Variants in PANK2 observed in about 807,000 individuals in gnomAD.
The protein encoded by PANK2 is pantothenate kinase 2, also known as pantothenate kinase 2, mitochondrial.
In PANK2, 36 loss-of-function variants were observed where a neutral mutation model predicts 43.1. The observed-to-expected ratio is 0.84, with a 90% CI of 0.64 to 1.10. PANK2 has a LOEUF of 1.10. Among genes scored for constraint, PANK2 ranks in the 50% least tolerant of loss-of-function variants. The probability of loss-of-function intolerance (pLI) is 0.00; values close to 1 mark genes in which losing one functional copy is unlikely to be tolerated. For synonymous variants in PANK2, 281 were observed against 238.2 expected (o/e 1.18, Z -1.66); for missense variants, 576 against 593.3 (o/e 0.97, Z 0.30).
At position 3,889,633 on chromosome 20, in the gene PANK2, C is replaced by T. The variant is rs137852969; in HGVS notation, c.203C>T (p.Ser68Leu). The change falls in exon 1 of 7, where the codon TCG becomes TTG. Residue 68 changes from serine (S) to leucine (L), a missense_variant. By Grantham distance (145) the Ser-to-Leu change is moderately radical (BLOSUM62 -2). Around this residue, in one of 2 missense-constraint regions of PANK2, gnomAD observed 544 missense variants for 528.9 expected, o/e 1.03. Coordinates refer to ENST00000610179, the MANE Select transcript of PANK2 (RefSeq NM_001386393.1). Reference sequence around the variant, plus strand: ...GCGTCGGTGCCCGCGGTCGGGGCCTCGGCTGAGGGCACGAGGCGGGATCGA... The same window carrying T: ...GCGTCGGTGCCCGCGGTCGGGGCCTTGGCTGAGGGCACGAGGCGGGATCGA... The T allele has an allele frequency of 1.3e-5, 20 of 1,568,632 alleles. No homozygotes were observed. Among genetic ancestry groups the T allele is most frequent in the South Asian group, 2.3e-5 (2 of 87,716 alleles).
intron 1 of PANK2, among the ~76,000 whole-genome samples, chr20:3,905,317 G>T (rs964079789): frequency 6.6e-6 from 1 of 150,638 alleles, no homozygotes; most frequent in African/African-American, 2.4e-5. Context: ...CATGGTTATT[G>T]CCTCTGTAAA....
chr20:3,918,831 C>T (rs368659910), intron 6 of PANK2, 35 bp downstream of exon 6: 2 of 1,613,958 alleles, frequency 1.2e-6, no homozygotes, highest in African/African-American at 1.3e-5. Flanking sequence ...ATATTATGTA[C>T]ACAGAGGGCT....
At chr20:3,901,631 T>C (rs2090303633) in intron 1 of PANK2, 7 of 973,880 alleles carry the variant, frequency 7.2e-6, no homozygotes, top group African/African-American at 5.3e-5. Context: ...AGTATTTTAG[T>C]TTCAGATTGC....
chr20:3,893,724 T>A (rs575628166), intron 1 of PANK2, among the ~76,000 whole-genome samples: 1 of 152,234 alleles, frequency 6.6e-6, no homozygotes, highest in East Asian at 1.9e-4. Flanking sequence ...ATGGATCATT[T>A]TTTCTTGGCT....
chr20:3,895,638 C>A (rs1053022679), intron 1 of PANK2, among the ~76,000 whole-genome samples: 2 of 151,880 alleles, frequency 1.3e-5, no homozygotes, highest in African/African-American at 4.8e-5. Context: ...AAGTTTGTAG[C>A]CTTGTGAGCT....
At chr20:3,893,254 A>G (rs1394526914) in intron 1 of PANK2, among the ~76,000 whole-genome samples, 1 of 152,144 alleles carries the variant, frequency 6.6e-6, no homozygotes, top group African/African-American at 2.4e-5. Flanking sequence ...CTTCAGATCC[A>G]GTGTTCTTGG....
At chr20:3,906,088 C>T (rs548192164) in intron 1 of PANK2, among the ~76,000 whole-genome samples, 11 of 152,158 alleles carry the variant, frequency 7.2e-5, no homozygotes, top group African/African-American at 2.4e-4. Context: ...TTTTGACTTA[C>T]GATGTTTATG....
At chr20:3,901,977 T>C (rs572278159) in intron 1 of PANK2, among the ~76,000 whole-genome samples, 3 of 152,042 alleles carry the variant, frequency 2.0e-5, no homozygotes, top group Non-Finnish European at 4.4e-5. Flanking sequence ...GAATTCAGTT[T>C]TTTCCTTATG....
rs796384440 is a variant in PANK2, at chr20:3,903,446, C to CT, written c.299-4470dup. 1.8e-3 allele frequency among the ~76,000 whole-genome samples: 247 copies of CT among 140,840 alleles called. 2 individuals are homozygous for CT. Among genetic ancestry groups the CT allele is most frequent in the African/African-American group, 5.9e-3 (225 of 38,220 alleles). 92.4% of individuals were successfully genotyped at this position (140,840 alleles called of 152,430 possible). A position where few individuals can be genotyped will look rare whatever the true frequency, so the allele number is the denominator to read the frequency against. On this transcript the variant is annotated intron_variant, in intron 1 of 6. Coordinates refer to ENST00000610179, the MANE Select transcript of PANK2 (RefSeq NM_001386393.1). ...TACAGGCATGAGCCACGACGCCCGG[C>CT]TTTTTTTTTTCTTCTTTTCCTTTTT...
In PANK2 at chr20:3,907,912, T is replaced by C. The variant is rs1355842608; in HGVS notation, c.299-14T>C. ...GAAAAAAGCTGTTCTGACTTATTTT[T>C]CTTCCCCATTTAGTTTTTCCATGGT... On this transcript the variant is annotated splice_polypyrimidine_tract_variant and intron_variant, in intron 1 of 6. Coordinates refer to ENST00000610179, the MANE Select transcript of PANK2 (RefSeq NM_001386393.1). The C allele has an allele frequency of 6.2e-7, 1 of 1,611,740 alleles. No homozygotes were observed. Among genetic ancestry groups the C allele is most frequent in the Non-Finnish European group, 8.5e-7 (1 of 1,177,816 alleles).
At chr20:3,888,795 C>T (rs1041619338), upstream of PANK2, 2 of 379,082 alleles carry the variant, frequency 5.3e-6, no homozygotes, top group South Asian at 5.7e-5. Context: ...CTTCTGGTAC[C>T]TCTCTCTCCA....
chr20:3,907,248 C>A (rs1397591495), intron 1 of PANK2, among the ~76,000 whole-genome samples: 1 of 151,882 alleles, frequency 6.6e-6, no homozygotes, highest in African/African-American at 2.4e-5. Context: ...ACTACAGGTG[C>A]ACGTCACCAT....
chr20:3,894,884 C>T (rs932731925), intron 1 of PANK2, among the ~76,000 whole-genome samples: 3 of 152,118 alleles, frequency 2.0e-5, no homozygotes. Context: ...CTTTAGGGGC[C>T]ATGTGTAAGA....
chr20:3,888,982 G>GTAAAAA, upstream of PANK2: 1 of 769,448 alleles, frequency 1.3e-6, no homozygotes, highest in Non-Finnish European at 2.0e-6. Flanking sequence ...GGCTGGAGGA[G>GTAAAAA]GGCTCGAGCT....
chr20:3,892,002 C>A (rs1282994573), intron 1 of PANK2, among the ~76,000 whole-genome samples: 1 of 152,186 alleles, frequency 6.6e-6, no homozygotes, highest in Admixed American at 6.5e-5. Flanking sequence ...GTTCTTCCTT[C>A]CATTTGTTTC....
At chr20:3,922,708 C>G (rs2090665212) in intron 6 of PANK2, among the ~76,000 whole-genome samples, 1 of 152,090 alleles carries the variant, frequency 6.6e-6, no homozygotes, top group African/African-American at 2.4e-5. Context: ...GGATGCTGCC[C>G]CCTCCTGCTG....
Position 3,889,493 on chromosome 20 carries a change from G to C in PANK2, c.63G>C (p.Ala21=), listed in dbSNP as rs1392117918. ...GGATGGGAGGGGGCCGGCTCGGCGCGCCCATGGAGCGCCACGGCAGGGCTT... is the reference window on the plus strand; with the variant it reads ...GGATGGGAGGGGGCCGGCTCGGCGCCCCCATGGAGCGCCACGGCAGGGCTT... The change falls in exon 1 of 7, where the codon GCG becomes GCC. Residue 21 remains alanine (A), a synonymous_variant. Coordinates refer to ENST00000610179, the MANE Select transcript of PANK2 (RefSeq NM_001386393.1). The C allele has an allele frequency of 5.4e-6, 8 of 1,469,658 alleles. No individual in the cohort carries two copies. The allele number at this position is 1,469,658 out of a possible 1,614,324, so 91.0% of individuals were successfully genotyped here.
At chr20:3,909,327 G>A (rs1357942170) in intron 2 of PANK2, among the ~76,000 whole-genome samples, 5 of 152,170 alleles carry the variant, frequency 3.3e-5, no homozygotes, top group Non-Finnish European at 7.3e-5. Context: ...TGATCTGCCT[G>A]CTTCAGCCTC....
intron 6 of PANK2, among the ~76,000 whole-genome samples, chr20:3,919,224 T>TTGTGCCTGAAC (rs2090611157): frequency 6.6e-6 from 1 of 152,170 alleles, no homozygotes; most frequent in African/African-American, 2.4e-5. Context: ...TTTTGGTAGT[T>TTGTGCCTGAAC]TAATTTCGTA....
Sources: allele counts gnomAD v4.1 joint callset (sites outside exome capture counted in the v4.1 genomes callset), GRCh38; gene constraint gnomAD v4.1.1; regional missense constraint gnomAD v4.1.1; transcripts MANE v1.5; gene names NCBI Gene and HGNC (gene_info 2026-07-23, HGNC 2026-07-21).